IQCH: variants seen among roughly 807,000 people sequenced by gnomAD.
IQCH encodes IQ domain-containing protein H.
A neutral mutation model predicts 117.0 loss-of-function variants in IQCH; 98 were observed. The ratio of observed to expected loss-of-function variants is 0.84; its 90% CI spans 0.71 to 0.99. The LOEUF (loss-of-function observed/expected upper bound fraction) is 0.99. Ranked by LOEUF, IQCH falls within the 50% of genes least tolerant of loss-of-function variation. The pLI is 0.00. For missense variants in IQCH, 1,102 were observed against 1,243.8 expected (o/e 0.89, Z 1.72); for synonymous variants, 412 against 448.2 (o/e 0.92, Z 1.02).
intron 3 of IQCH, among the ~76,000 whole-genome samples, chr15:67,264,432 T>G (rs1204555965): frequency 1.3e-5 from 2 of 152,208 alleles, no homozygotes; most frequent in South Asian, 4.1e-4. Context: ...TGGGGCAATC[T>G]CATCTGAAAA....
chr15:67,474,650 A>C lies in IQCH; in HGVS notation c.2677-1046A>C, dbSNP rs1246758031. Among the ~76,000 whole-genome samples, 31 of 151,364 alleles carry C rather than the reference A, an allele frequency of 2.0e-4. No individual in the cohort carries two copies. The highest frequency in any genetic ancestry group is 2.0e-3 in the Admixed American group (30 of 15,162). On this transcript the variant is annotated intron_variant, in intron 17 of 20. Coordinates refer to ENST00000335894, the MANE Select transcript of IQCH (RefSeq NM_001031715.3). The surrounding 1 kb of genome is among the most constrained non-coding windows in gnomAD (Gnocchi z 4.1). ...CAAGATAAAGAAGAGCCGTTTCCCC[A>C]AAGAAAGCAGCATCAAATTTCTAAT...
At chr15:67,378,023 C>T (rs1289796302) in intron 10 of IQCH, among the ~76,000 whole-genome samples, 7 of 152,198 alleles carry the variant, frequency 4.6e-5, no homozygotes, top group Non-Finnish European at 7.4e-5. Flanking sequence ...CAGAAGCCTA[C>T]GAGAAAGGAT....
At chr15:67,350,256 A>T (rs188868908) in intron 6 of IQCH, among the ~76,000 whole-genome samples, 42 of 152,318 alleles carry the variant, frequency 2.8e-4, no homozygotes, top group Admixed American at 2.4e-3. Flanking sequence ...GAAGTGAAAG[A>T]AGCCAAACTC....
chr15:67,396,963 G>A lies in IQCH; in HGVS notation c.1905+1400G>A, dbSNP rs960936974. ...AACGGTATCACAACCTAGGACAGTC[G>A]CAGGCAATTTTAGTAGGAGTGGAAT... On this transcript the variant is annotated intron_variant, in intron 13 of 20. Transcript: ENST00000335894. Among the ~76,000 whole-genome samples the A allele has an allele frequency of 5.9e-5, 9 of 152,302 alleles. No individual in the cohort carries two copies. The South Asian group carries it at 1.0e-3, about 18-fold the overall frequency.
At chr15:67,263,024 G>A (rs1209297814) in intron 2 of IQCH, 98 bp from the exon 3 acceptor site, 7 of 723,454 alleles carry the variant, frequency 9.7e-6, no homozygotes, top group African/African-American at 1.8e-5. Flanking sequence ...TGTGGTTTTG[G>A]CTTAATTACA....
intron 3 of IQCH, among the ~76,000 whole-genome samples, chr15:67,271,801 G>T (rs1192279204): frequency 2.0e-5 from 3 of 151,610 alleles, no homozygotes; most frequent in African/African-American, 7.3e-5. Flanking sequence ...TATTTATTTG[G>T]GTTTTATCTC....
intron 4 of IQCH, among the ~76,000 whole-genome samples, chr15:67,306,383 T>C (rs1386426764): frequency 6.6e-6 from 1 of 152,146 alleles, no homozygotes; most frequent in Non-Finnish European, 1.5e-5. Context: ...TCATCAAAGC[T>C]AATCATTTTA....
chr15:67,395,147 A>T lies in IQCH; in HGVS notation c.1633-144A>T, dbSNP rs1971420602. ...ATGGAACCTCACCCCAACAGCTTTT[A>T]TCAATTTAAACTGCTAAACAACAGG... is the stretch of plus-strand genomic sequence containing the variant. On this transcript the variant is annotated intron_variant, in intron 12 of 20. Transcript: ENST00000335894. The surrounding 1 kb of genome is among the most constrained non-coding windows in gnomAD (Gnocchi z 4.0). 4.5e-6 allele frequency: 4 copies of T among 884,708 alleles called. No homozygotes were observed. The South Asian group carries it at 5.2e-5, about 11-fold the overall frequency. The allele number at this position is 884,708 out of a possible 1,614,324, so 54.8% of individuals were successfully genotyped here. A position where few individuals can be genotyped will look rare whatever the true frequency, so the allele number is the denominator to read the frequency against.
intron 5 of IQCH, among the ~76,000 whole-genome samples, chr15:67,340,996 G>A (rs1969145419): frequency 6.6e-6 from 1 of 152,144 alleles, no homozygotes; most frequent in Non-Finnish European, 1.5e-5. Context: ...CGGATTGCTG[G>A]AGTCCGGGAG....
At chr15:67,455,155 T>C (rs2082630798) in intron 16 of IQCH, among the ~76,000 whole-genome samples, 1 of 152,216 alleles carries the variant, frequency 6.6e-6, no homozygotes, top group Non-Finnish European at 1.5e-5. Flanking sequence ...TCCCCTTGTG[T>C]TATTTTATTG....
chr15:67,470,589 A>G (rs2083049183), intron 17 of IQCH, among the ~76,000 whole-genome samples: 1 of 152,226 alleles, frequency 6.6e-6, no homozygotes, highest in Non-Finnish European at 1.5e-5. Context: ...TATACTATGA[A>G]CCATCTAGAA....
chr15:67,260,045 G>T (rs981445809), intron 1 of IQCH, among the ~76,000 whole-genome samples: 2 of 152,232 alleles, frequency 1.3e-5, no homozygotes, highest in African/African-American at 2.4e-5. Flanking sequence ...ATGCAGGCTG[G>T]ATCAGTGTTC....
chr15:67,293,349 G>A (rs8040514), intron 4 of IQCH, among the ~76,000 whole-genome samples: 4 of 151,814 alleles, frequency 2.6e-5, no homozygotes, highest in African/African-American at 4.8e-5. Flanking sequence ...CTCACTATTC[G>A]TGGGGGATTG....
intron 4 of IQCH, among the ~76,000 whole-genome samples, chr15:67,290,827 A>G (rs1418513290): frequency 3.3e-5 from 5 of 152,184 alleles, no homozygotes; most frequent in African/African-American, 4.8e-5. Flanking sequence ...GCAGAGATAT[A>G]TAATACAGCA....
chr15:67,271,475 G>A (rs1462378104), intron 3 of IQCH, among the ~76,000 whole-genome samples: 1 of 152,136 alleles, frequency 6.6e-6, no homozygotes, highest in Non-Finnish European at 1.5e-5. Flanking sequence ...TGAAGAGTTT[G>A]AGTAGAATTG....
chr15:67,263,518 T>A (rs1458116386), intron 3 of IQCH, among the ~76,000 whole-genome samples: 3 of 152,210 alleles, frequency 2.0e-5, no homozygotes, highest in South Asian at 2.1e-4. Context: ...ATGGTAGAAT[T>A]TGGACTTCAA....
chr15:67,300,033 A>G (rs1373120261), intron 4 of IQCH, among the ~76,000 whole-genome samples: 2 of 152,144 alleles, frequency 1.3e-5, no homozygotes, highest in African/African-American at 4.8e-5. Context: ...AGTGATTTTT[A>G]TATTTCTATC....
chr15:67,301,203 C>A (rs956752552), intron 4 of IQCH, among the ~76,000 whole-genome samples: 3 of 152,018 alleles, frequency 2.0e-5, no homozygotes, highest in Non-Finnish European at 4.4e-5. Flanking sequence ...AGCATACTTT[C>A]CTGCTTAATG....
intron 4 of IQCH, among the ~76,000 whole-genome samples, chr15:67,333,315 A>C (rs1434307253): frequency 6.6e-6 from 1 of 152,210 alleles, no homozygotes; most frequent in Non-Finnish European, 1.5e-5. Context: ...TTCATGCCTA[A>C]AATGTTTGTT....
Sources: gnomAD v4.1 joint callset for allele counts (sites outside exome capture counted in the v4.1 genomes callset) on GRCh38, gnomAD v4.1.1 for gene constraint, Gnocchi (gnomAD v3.1) non-coding constraint, MANE v1.5 for transcripts, NCBI Gene and HGNC (gene_info 2026-07-23, HGNC 2026-07-21) for gene names.